The following OPRK1 variants were observed in gnomAD, a reference collection of about 807,000 sequenced individuals.
The protein encoded by OPRK1 is opioid receptor kappa 1, also known as kappa-type opioid receptor.
In OPRK1, 15 loss-of-function variants were observed where a neutral mutation model predicts 24.5. The observed-to-expected ratio is 0.61, with a 90% CI of 0.41 to 0.94. The LOEUF (loss-of-function observed/expected upper bound fraction) is 0.94. Ranked by LOEUF, OPRK1 falls within the 40% of genes least tolerant of loss-of-function variation. The probability of loss-of-function intolerance (pLI) is 0.00; values close to 1 mark genes in which losing one functional copy is unlikely to be tolerated. For missense variants in OPRK1, 479 were observed against 507.3 expected (o/e 0.94, Z 0.54); for synonymous variants, 205 against 198.0 (o/e 1.04, Z -0.30).
intron 2 of OPRK1, chr8:53,238,430 C>T: frequency 1.6e-6 from 1 of 611,388 alleles, no homozygotes; most frequent in Non-Finnish European, 2.0e-6. Context: ...GTGGGCTGTC[C>T]TCGCTAAACT....
chr8:53,236,692 T>C (rs1232717772), intron 2 of OPRK1, among the ~76,000 whole-genome samples: 1 of 152,152 alleles, frequency 6.6e-6, no homozygotes, highest in Non-Finnish European at 1.5e-5. Context: ...GAGCCACATG[T>C]TTCTAATGAG....
At position 53,250,943 on chromosome 8, in the gene OPRK1, C is replaced by A; in HGVS notation, c.95G>T (p.Gly32Val). 2 of 1,610,538 alleles carry A rather than the reference C, an allele frequency of 1.2e-6. No individual in the cohort carries two copies. The highest frequency in any genetic ancestry group is 1.7e-6 in the Non-Finnish European group (2 of 1,178,368). ...GCCGTTGCTGTCGGGCTCGGCCCAG[C>A]CGGGAAACCAGGCGCTGCTGTTGGG... is the stretch of plus-strand genomic sequence containing the variant. ...LPPNSSAWFP[G>V]WAEPDSNGSA... Residue 32 changes from glycine to valine, a missense_variant, in exon 2 of 4, where the codon GGC becomes GTC. Physicochemically the swap from Gly to Val is moderately radical, Grantham distance 109 (BLOSUM62 -3). Transcript: ENST00000265572.
intron 2 of OPRK1, among the ~76,000 whole-genome samples, chr8:53,241,054 A>C (rs948723056): frequency 5.6e-5 from 8 of 142,510 alleles, no homozygotes; most frequent in African/African-American, 2.5e-4. Context: ...ATGATGTGTA[A>C]ATGCAGGCTC....
Position 53,229,655 on chromosome 8 carries a change from G to A in OPRK1, c.785C>T (p.Ser262Phe). The A allele has an allele frequency of 6.2e-7, 1 of 1,614,120 alleles. No homozygotes were observed. Among genetic ancestry groups the A allele is most frequent in the Non-Finnish European group, 8.5e-7 (1 of 1,180,006 alleles). Reference protein sequence around the residue: ...RLKSVRLLSGSREKDRNLRRI... With the variant: ...RLKSVRLLSGFREKDRNLRRI... ...ACGCAGGTTGCGATCTTTCTCTCGG[G>A]AGCCAGAAAGGAGCCGGACGCTCTT... Residue 262 changes from serine (S) to phenylalanine (F), a missense_variant, in exon 4 of 4, where the codon TCC (serine) becomes TTC (phenylalanine). Transcript: ENST00000265572.
intron 2 of OPRK1, among the ~76,000 whole-genome samples, chr8:53,245,539 A>G (rs73589374): frequency 0.094 from 14,343 of 152,200 alleles, 747 homozygotes; most frequent in South Asian, 0.18. Context: ...TAGAAACCTG[A>G]GGTGTCAGGG....
rs1243582370 is a variant in OPRK1, at chr8:53,229,610, A to G, written c.830T>C (p.Leu277Pro). 4 of 1,614,180 alleles carry G rather than the reference A, an allele frequency of 2.5e-6. No individual in the cohort carries two copies. The highest frequency in any genetic ancestry group is 3.4e-6 in the Non-Finnish European group (4 of 1,180,004). ...GACGACGAAGACTGCCACCACCACC[A>G]GGACCAGTCTGGTGATCCTACGCAG... ...RNLRRITRLV[L>P]VVVAVFVVCW... The change falls in exon 4 of 4, where the codon CTG becomes CCG. Residue 277 changes from leucine (L) to proline (P), a missense_variant. Leu to Pro is a moderately conservative substitution (Grantham distance 98). Transcript: ENST00000265572.
At chr8:53,249,051 T>C (rs1807304429) in intron 2 of OPRK1, among the ~76,000 whole-genome samples, 1 of 152,354 alleles carries the variant, frequency 6.6e-6, no homozygotes, top group African/African-American at 2.4e-5. Flanking sequence ...TGGAGTTATA[T>C]TTGCACATAA....
At chr8:53,249,825 C>T (rs1261881638) in intron 2 of OPRK1, among the ~76,000 whole-genome samples, 1 of 152,090 alleles carries the variant, frequency 6.6e-6, no homozygotes, top group Non-Finnish European at 1.5e-5. Context: ...TTGCATCCCG[C>T]CCTTATTTCA....
At position 53,231,854 on chromosome 8, in the gene OPRK1, C is replaced by G. The variant is rs977286012; in HGVS notation, c.611-2025G>C. ...TAAGCTAAGCAGAAGCCGCACAGGG[C>G]TGCTGTTTAATTCGGATAGACCTTT... is the stretch of plus-strand genomic sequence containing the variant. On this transcript the variant is annotated intron_variant, in intron 3 of 3. Coordinates refer to ENST00000265572, the MANE Select transcript of OPRK1 (RefSeq NM_000912.5). 3.2e-4 allele frequency among the ~76,000 whole-genome samples: 48 copies of G among 152,316 alleles called. No homozygotes were observed. The Middle Eastern group carries it at 0.014, about 43-fold the overall frequency.
At chr8:53,241,978 C>T (rs1274156759) in intron 2 of OPRK1, among the ~76,000 whole-genome samples, 5 of 152,236 alleles carry the variant, frequency 3.3e-5, no homozygotes, top group African/African-American at 9.6e-5. Context: ...CGTTCTAGTG[C>T]ATTCAGGGTT....
chr8:53,247,318 C>T (rs939031636), intron 2 of OPRK1, among the ~76,000 whole-genome samples: 3 of 152,168 alleles, frequency 2.0e-5, no homozygotes, highest in Admixed American at 1.3e-4. Context: ...CCACTGGCAT[C>T]ATTCTGGCCC....
intron 2 of OPRK1, among the ~76,000 whole-genome samples, chr8:53,248,287 G>C (rs73589397): frequency 0.1 from 15,149 of 152,120 alleles, 830 homozygotes; most frequent in South Asian, 0.18. Flanking sequence ...TCTTTCTCCA[G>C]AGCTCTTTCT....
In OPRK1 at chr8:53,228,623, GAAAA is replaced by G. The variant is rs35160174; in HGVS notation, c.*670_*673del. 3 of 151,862 alleles carry G rather than the reference GAAAA, an allele frequency of 2.0e-5. No individual in the cohort carries two copies. Among genetic ancestry groups the G allele is most frequent in the African/African-American group, 4.8e-5 (2 of 41,352 alleles). 9.4% of individuals were successfully genotyped at this position (151,862 alleles called of 1,614,324 possible). A position where few individuals can be genotyped will look rare whatever the true frequency, so the allele number is the denominator to read the frequency against. On this transcript the variant is annotated 3_prime_UTR_variant, in exon 4 of 4. Transcript: ENST00000265572. The stretch of plus-strand genomic sequence containing the variant: ...ACTGTTTACCTGAATAGCATGCTAA[GAAAA>G]AAAACTGTAGTTTTTGGGAAATTAA...
chr8:53,247,858 G>T (rs948887355), intron 2 of OPRK1, among the ~76,000 whole-genome samples: 4 of 151,868 alleles, frequency 2.6e-5, no homozygotes, highest in African/African-American at 7.3e-5. Flanking sequence ...TAGCATGGTG[G>T]TGCATCCCCA....
intron 1 of OPRK1, 57 bp from the exon 2 acceptor site, chr8:53,251,142 G>A (rs959551417): frequency 4.8e-5 from 67 of 1,400,108 alleles, no homozygotes; most frequent in Non-Finnish European, 5.9e-5. Flanking sequence ...CCGCGCCCTG[G>A]CCAGCGGCGC....
chr8:53,234,662 G>C (rs954987688), intron 3 of OPRK1, 97 bp downstream of exon 3: 1 of 1,092,436 alleles, frequency 9.2e-7, no homozygotes. Flanking sequence ...TTTTGGCATC[G>C]ATTTCCACTA....
Position 53,228,439 on chromosome 8 carries a change from G to A in OPRK1, c.*858C>T, listed in dbSNP as rs3802280. 0.18 allele frequency: 27,463 copies of A among 152,106 alleles called. 3,435 individuals carry two copies. The highest frequency in any genetic ancestry group is 0.35 in the African/African-American group (14,464 of 41,432). The allele number at this position is 152,106 out of a possible 1,614,324, so 9.4% of individuals were successfully genotyped here. On this transcript the variant is annotated 3_prime_UTR_variant, in exon 4 of 4. Coordinates refer to ENST00000265572, the MANE Select transcript of OPRK1 (RefSeq NM_000912.5). ...TCAGCATCAACTTAGCAACTCAGGG[G>A]ATATCATTAGTGTGCCCTCAGGAAA...
At chr8:53,250,676 TC>T in intron 2 of OPRK1, 104 bp downstream of exon 2, 1 of 1,185,188 alleles carries the variant, frequency 8.4e-7, no homozygotes. Context: ...CGGAACAGAG[TC>T]CCCACCACCT....
intron 2 of OPRK1, among the ~76,000 whole-genome samples, 187 bp from the exon 3 acceptor site, chr8:53,235,298 A>G (rs2128808672): frequency 6.6e-6 from 1 of 152,340 alleles, no homozygotes; most frequent in East Asian, 1.9e-4. Context: ...AAGATCTCCA[A>G]CTTTATTGTT....
Sources: allele counts gnomAD v4.1 joint callset (sites outside exome capture counted in the v4.1 genomes callset), GRCh38; gene constraint gnomAD v4.1.1; transcripts MANE v1.5; gene names NCBI Gene and HGNC (gene_info 2026-07-23, HGNC 2026-07-21).